Variants in TRAK1 observed in about 807,000 individuals in gnomAD.
TRAK1 encodes the protein trafficking kinesin protein 1.
TRAK1 carries 33 observed loss-of-function variants against 92.1 expected under a neutral mutation model. The observed-to-expected ratio is 0.36, with a 90% confidence interval of 0.27 to 0.48. TRAK1 has a LOEUF of 0.48. Ranked by LOEUF, TRAK1 falls within the 20% of genes least tolerant of loss-of-function variation. TRAK1 has a pLI of 0.99. For synonymous variants in TRAK1, 521 were observed against 517.3 expected (o/e 1.01, Z -0.10); for missense variants, 1,123 against 1,257.9 (o/e 0.89, Z 1.62).
intron 13 of TRAK1, among the ~76,000 whole-genome samples, chr3:42,209,519 T>TA (rs34548450): frequency 2.5e-4 from 37 of 149,694 alleles, no homozygotes; most frequent in African/African-American, 4.9e-4. Flanking sequence ...GATTTTACTT[T>TA]AAAAAAAAAA....
chr3:42,138,886 TG>T (rs1698310427), intron 2 of TRAK1, among the ~76,000 whole-genome samples: 4 of 134,626 alleles, frequency 3.0e-5, no homozygotes, highest in South Asian at 4.7e-4. Context: ...GGTGTGTGTG[TG>T]TGTGTGTGTG....
intron 2 of TRAK1, among the ~76,000 whole-genome samples, chr3:42,149,861 A>C (rs959881562): frequency 6.6e-6 from 1 of 152,128 alleles, no homozygotes; most frequent in Non-Finnish European, 1.5e-5. Flanking sequence ...TGGGCTTGTA[A>C]GTGTTATACT....
At chr3:42,069,520 A>G (rs1703824944) in intron 1 of TRAK1, among the ~76,000 whole-genome samples, 1 of 152,036 alleles carries the variant, frequency 6.6e-6, no homozygotes, top group African/African-American at 2.4e-5. Context: ...TTCTATTGGA[A>G]ATATTCTTTA....
In TRAK1 at chr3:42,081,203, G is replaced by T. The variant is rs559477571; in HGVS notation, c.-518-5901G>T. On this transcript the variant is annotated intron_variant, in intron 1 of 16. Coordinates refer to the TRAK1 transcript ENST00000487159. ...TGTGAGCCACATTTGATGTATATTG[G>T]TCTGTGTTGAAAATGAAGTAAGGTT... Among the ~76,000 whole-genome samples the T allele has an allele frequency of 4.6e-5, 7 of 152,256 alleles. No homozygotes were observed. In the South Asian group the frequency reaches 1.5e-3, roughly 32 times the overall value.
At chr3:42,197,793 C>T (rs546516153) in intron 10 of TRAK1, among the ~76,000 whole-genome samples, 5 of 152,316 alleles carry the variant, frequency 3.3e-5, no homozygotes, top group Admixed American at 1.3e-4. Context: ...GGAGTCTCCC[C>T]GCTTGGTTCC....
At chr3:42,152,220 G>A (rs1700038681) in intron 2 of TRAK1, among the ~76,000 whole-genome samples, 1 of 152,186 alleles carries the variant, frequency 6.6e-6, no homozygotes, top group Non-Finnish European at 1.5e-5. Context: ...GCCCCCAGAG[G>A]AGGATATAAT....
At chr3:42,191,076 C>A (rs1705657811) in intron 6 of TRAK1, among the ~76,000 whole-genome samples, 1 of 152,196 alleles carries the variant, frequency 6.6e-6, no homozygotes, top group Admixed American at 6.5e-5. Flanking sequence ...AGCTTGAACA[C>A]AGCAGGTTTA....
At chr3:42,115,313 C>T (rs186872954) in intron 1 of TRAK1, among the ~76,000 whole-genome samples, 1 of 152,252 alleles carries the variant, frequency 6.6e-6, no homozygotes, top group East Asian at 1.9e-4. Context: ...AGGATCCTTC[C>T]TCCCTTTCCT....
intron 2 of TRAK1, chr3:42,160,169 G>A (rs943679446): frequency 1.9e-5 from 20 of 1,078,932 alleles, no homozygotes; most frequent in Non-Finnish European, 2.0e-5. Context: ...GGTCCTGCCC[G>A]GGTGATGCTG....
intron 4 of TRAK1, among the ~76,000 whole-genome samples, chr3:42,185,973 C>CTTTTTTTTTTTTT (rs1054954407): frequency 1.2e-5 from 1 of 83,978 alleles, no homozygotes; most frequent in African/African-American, 5.4e-5. Flanking sequence ...TGTGCCCAGC[C>CTTTTTTTTTTTTT]TTTTTTTTTT....
intron 2 of TRAK1, among the ~76,000 whole-genome samples, chr3:42,134,233 TCCCTC>T (rs148100851): frequency 0.63 from 85,230 of 135,562 alleles, 26,538 homozygotes; most frequent in South Asian, 0.78. Flanking sequence ...CCTCTCCCCT[TCCCTC>T]CCCTCCCCTT....
At position 42,224,040 on chromosome 3, in the gene TRAK1, C is replaced by T. The variant is rs1710607526; in HGVS notation, c.*303C>T. The T allele has an allele frequency of 1.8e-6, 1 of 557,516 alleles. No homozygotes were observed. The highest frequency in any genetic ancestry group is 3.4e-6 in the Non-Finnish European group (1 of 293,286). 34.5% of individuals were successfully genotyped at this position (557,516 alleles called of 1,614,324 possible). On this transcript the variant is annotated 3_prime_UTR_variant, in exon 16 of 16. Coordinates refer to ENST00000327628, the MANE Select transcript of TRAK1 (RefSeq NM_001042646.3). ...TGCTAACCTGGGGGAAGGTGGGGTC[C>T]TTTCTTCTTTCCTTTTGAGAAGCAC...
At chr3:42,085,619 T>A (rs1704635506), upstream of TRAK1, among the ~76,000 whole-genome samples, 1 of 152,262 alleles carries the variant, frequency 6.6e-6, no homozygotes, top group South Asian at 2.1e-4. Context: ...CAGAACTGAC[T>A]CTACCATGTT....
At chr3:42,138,874 GGGGTGT>G (rs1228657017) in intron 2 of TRAK1, among the ~76,000 whole-genome samples, 4,513 of 50,966 alleles carry the variant, frequency 0.089, 254 homozygotes, top group African/African-American at 0.19. Flanking sequence ...GAAAGCATAG[GGGGTGT>G]GTGTGTGTGT....
intron 1 of TRAK1, among the ~76,000 whole-genome samples, chr3:42,023,890 G>T (rs1209326324): frequency 1.3e-5 from 2 of 151,720 alleles, no homozygotes; most frequent in Non-Finnish European, 2.9e-5. Flanking sequence ...AGTATCTGGG[G>T]ATTACAGGCG....
Position 42,201,111 on chromosome 3 carries a change from A to G in TRAK1, c.1427+57A>G, listed in dbSNP as rs1362585814. ...TTTGGGGTGAGGAGTGGTAGTATGG[A>G]TTGTCTGCAGGCTCAGTAATTATTA... is the stretch of plus-strand genomic sequence containing the variant. On this transcript the variant is annotated intron_variant, in intron 12 of 15. Coordinates refer to ENST00000327628, the MANE Select transcript of TRAK1 (RefSeq NM_001042646.3). 4.5e-6 allele frequency: 7 copies of G among 1,546,354 alleles called. No individual in the cohort carries two copies. The East Asian group carries it at 1.6e-4, about 35-fold the overall frequency.
chr3:42,072,421 G>C (rs574837212), intron 1 of TRAK1, among the ~76,000 whole-genome samples: 1 of 152,184 alleles, frequency 6.6e-6, no homozygotes, highest in Non-Finnish European at 1.5e-5. Context: ...CCAGCTGTAC[G>C]CAGGCTCTGC....
intron 1 of TRAK1, among the ~76,000 whole-genome samples, chr3:42,054,564 G>A (rs1703118078): frequency 6.6e-6 from 1 of 152,162 alleles, no homozygotes; most frequent in Non-Finnish European, 1.5e-5. Context: ...CTAGCCTGGT[G>A]CCTGGAAGAA....
At chr3:42,069,077 T>C (rs1448302903) in intron 1 of TRAK1, among the ~76,000 whole-genome samples, 3 of 152,038 alleles carry the variant, frequency 2.0e-5, no homozygotes, top group African/African-American at 7.2e-5. Context: ...GTGGCTCATG[T>C]CTGTAATCCC....
Sources: allele counts gnomAD v4.1 joint callset (sites outside exome capture counted in the v4.1 genomes callset), GRCh38; gene constraint gnomAD v4.1.1; transcripts MANE v1.5; gene names NCBI Gene and HGNC (gene_info 2026-07-23, HGNC 2026-07-21).